The following OSBP2 variants were observed in gnomAD, a reference collection of about 807,000 sequenced individuals.
OSBP2 encodes oxysterol binding protein 2.
A neutral mutation model predicts 96.0 loss-of-function variants in OSBP2; 66 were observed. The observed-to-expected ratio is 0.69, with a 90% CI of 0.56 to 0.84. The LOEUF (loss-of-function observed/expected upper bound fraction) is 0.84, where lower values mean the gene tolerates loss of function less well. Ranked by LOEUF, OSBP2 falls within the 40% of genes least tolerant of loss-of-function variation. The pLI, the probability that OSBP2 is intolerant of heterozygous loss-of-function variation, is 0.00. For missense variants in OSBP2, 1,038 were observed against 1,222.7 expected (o/e 0.85, Z 2.25); for synonymous variants, 525 against 520.9 (o/e 1.01, Z -0.11).
chr22:30,694,214 C>T (rs778475303), upstream of OSBP2: 2 of 1,549,850 alleles, frequency 1.3e-6, no homozygotes, highest in South Asian at 1.2e-5. Context: ...TTAGAGAACC[C>T]GAACGATGTC....
intron 3 of OSBP2, among the ~76,000 whole-genome samples, chr22:30,875,204 C>T (rs778501654): frequency 1.3e-5 from 2 of 152,060 alleles, no homozygotes; most frequent in African/African-American, 2.4e-5. Context: ...GCCGAGGTCA[C>T]CCCTGCACCC....
intron 2 of OSBP2, among the ~76,000 whole-genome samples, chr22:30,784,815 C>T (rs1602259742): frequency 2.6e-5 from 4 of 151,804 alleles, no homozygotes; most frequent in Admixed American, 2.6e-4. Flanking sequence ...CTCTGTCGCC[C>T]AGGCTGGAGT....
chr22:30,791,725 A>G (rs2090679009), intron 2 of OSBP2, among the ~76,000 whole-genome samples: 1 of 152,146 alleles, frequency 6.6e-6, no homozygotes, highest in Non-Finnish European at 1.5e-5. Context: ...TGCTTTGCGG[A>G]TAGAGAAAAA....
intron 2 of OSBP2, among the ~76,000 whole-genome samples, chr22:30,762,335 G>A (rs2090216310): frequency 1.3e-5 from 2 of 152,188 alleles, no homozygotes; most frequent in Admixed American, 1.3e-4. Context: ...GGACCACGAG[G>A]TCAGGAGATC....
At chr22:30,735,436 A>G (rs1275760220) in intron 1 of OSBP2, among the ~76,000 whole-genome samples, 2 of 96,768 alleles carry the variant, frequency 2.1e-5, no homozygotes, top group African/African-American at 4.3e-5. Context: ...TTTTTTTGAG[A>G]CAGGGTCTTA....
chr22:30,772,132 C>G (rs1017973376), intron 2 of OSBP2, among the ~76,000 whole-genome samples: 1 of 152,134 alleles, frequency 6.6e-6, no homozygotes, highest in Non-Finnish European at 1.5e-5. Context: ...CTGGAGTTGG[C>G]GATTCACTGT....
intron 1 of OSBP2, among the ~76,000 whole-genome samples, chr22:30,730,758 CTCTCTCT>C (rs1356056660): frequency 7.0e-5 from 3 of 42,922 alleles, no homozygotes; most frequent in Admixed American, 6.4e-4. Flanking sequence ...CTCTCTCTCT[CTCTCTCT>C]CTCTCTCTCT....
chr22:30,903,335 C>T (rs1308192251), intron 12 of OSBP2, among the ~76,000 whole-genome samples: 2 of 152,202 alleles, frequency 1.3e-5, no homozygotes, highest in Non-Finnish European at 2.9e-5. Flanking sequence ...ATTGGAGGCA[C>T]CTTGTTTTCA....
intron 2 of OSBP2, among the ~76,000 whole-genome samples, chr22:30,796,730 A>T (rs1423724554): frequency 6.6e-6 from 1 of 151,924 alleles, no homozygotes; most frequent in Admixed American, 6.6e-5. Context: ...TTGGTCTCGA[A>T]CTCCTGACCT....
At chr22:30,768,467 A>G (rs1391636570) in intron 2 of OSBP2, among the ~76,000 whole-genome samples, 2 of 152,126 alleles carry the variant, frequency 1.3e-5, no homozygotes, top group Non-Finnish European at 2.9e-5. Flanking sequence ...ACCTGAGGTC[A>G]GGAGTTTGAG....
intron 3 of OSBP2, among the ~76,000 whole-genome samples, chr22:30,882,767 G>A (rs1254990689): frequency 6.6e-6 from 1 of 152,122 alleles, no homozygotes; most frequent in African/African-American, 2.4e-5. Flanking sequence ...CCGGATCTGT[G>A]GAAAAAACAA....
intron 8 of OSBP2, among the ~76,000 whole-genome samples, chr22:30,892,750 C>T (rs1010239196): frequency 6.6e-6 from 1 of 152,152 alleles, no homozygotes; most frequent in African/African-American, 2.4e-5. Context: ...AGCAGACACA[C>T]CTGGTGTGTG....
chr22:30,723,973 A>G (rs993124490), intron 1 of OSBP2, among the ~76,000 whole-genome samples: 5 of 152,168 alleles, frequency 3.3e-5, no homozygotes, highest in Admixed American at 2.6e-4. Context: ...AATGGCATGT[A>G]TCCACCATTA....
At chr22:30,717,889 C>A (rs138823207) in intron 1 of OSBP2, among the ~76,000 whole-genome samples, 2 of 152,152 alleles carry the variant, frequency 1.3e-5, no homozygotes, top group Admixed American at 1.3e-4. Flanking sequence ...GAGTTAGAAT[C>A]GAGTCCTCAG....
chr22:30,880,326 A>G (rs1172230138), intron 3 of OSBP2, among the ~76,000 whole-genome samples: 1 of 152,236 alleles, frequency 6.6e-6, no homozygotes, highest in East Asian at 1.9e-4. Context: ...GCCCAGAGCC[A>G]GAGGGCAGAC....
At position 30,775,568 on chromosome 22, in the gene OSBP2, G is replaced by A. The variant is rs374038387; in HGVS notation, c.853+34199G>A. Reference sequence around the variant, plus strand: ...GGAGGCAGAGAGGTTGCAGTGAGCCGAGATCGCACCACTTCACTCCAGCTT... The same window carrying A: ...GGAGGCAGAGAGGTTGCAGTGAGCCAAGATCGCACCACTTCACTCCAGCTT... On this transcript the variant is annotated intron_variant, in intron 2 of 13. Coordinates refer to ENST00000332585, the MANE Select transcript of OSBP2 (RefSeq NM_030758.4). 1.6e-3 allele frequency among the ~76,000 whole-genome samples: 243 copies of A among 152,102 alleles called. 1 individual carries two copies. The highest frequency in any genetic ancestry group is 5.6e-3 in the African/African-American group (232 of 41,468).
In OSBP2 at chr22:30,890,835, G is replaced by A; in HGVS notation, c.1731G>A (p.Met577Ile). 6.2e-7 allele frequency: 1 copy of A among 1,613,794 alleles called. No homozygotes were observed. The highest frequency in any genetic ancestry group is 1.1e-5 in the South Asian group (1 of 91,082). ...AVHCTSSVEQMCLVAAFSVSS... is the reference protein window; with the variant it reads ...AVHCTSSVEQICLVAAFSVSS... Reference sequence around the variant, plus strand: ...ACTGCACCAGCTCAGTGGAGCAGATGTGCCTGGTGGCCGCCTTCTCTGTGT... The same window carrying A: ...ACTGCACCAGCTCAGTGGAGCAGATATGCCTGGTGGCCGCCTTCTCTGTGT... Residue 577 changes from methionine to isoleucine, a missense_variant, in exon 8 of 14, where the codon ATG (methionine) becomes ATA (isoleucine). By Grantham distance (10) the Met-to-Ile change is conservative. This residue lies in a region of OSBP2 where 737 missense variants were observed against 913.3 expected (regional missense o/e 0.81). Coordinates refer to ENST00000332585, the MANE Select transcript of OSBP2 (RefSeq NM_030758.4). The surrounding 1 kb of genome is among the most constrained non-coding windows in gnomAD (Gnocchi z 4.4).
At chr22:30,816,379 A>G (rs1602305964) in intron 2 of OSBP2, among the ~76,000 whole-genome samples, 1 of 152,210 alleles carries the variant, frequency 6.6e-6, no homozygotes, top group African/African-American at 2.4e-5. Flanking sequence ...TAGTATTTAG[A>G]CTTCAACAAG....
intron 2 of OSBP2, among the ~76,000 whole-genome samples, chr22:30,858,059 C>T (rs1602366892): frequency 6.6e-6 from 1 of 151,798 alleles, no homozygotes; most frequent in Non-Finnish European, 1.5e-5. Flanking sequence ...CGCAGCTAGG[C>T]CTCGCCAAGG....
Sources: allele counts gnomAD v4.1 joint callset (sites outside exome capture counted in the v4.1 genomes callset), GRCh38; gene constraint gnomAD v4.1.1; regional missense constraint gnomAD v4.1.1; non-coding constraint Gnocchi (gnomAD v3.1); transcripts MANE v1.5; gene names NCBI Gene and HGNC (gene_info 2026-07-23, HGNC 2026-07-21).